TBL1XR1: variants seen among roughly 807,000 people sequenced by gnomAD.
TBL1XR1 encodes F-box-like/WD repeat-containing protein TBL1XR1.
In TBL1XR1, 5 loss-of-function variants were observed where a neutral mutation model predicts 66.9. The observed-to-expected ratio is 0.07, with a 90% confidence interval of 0.04 to 0.16. The LOEUF is 0.16. TBL1XR1 is among the 10% of genes least tolerant of loss of function. TBL1XR1 has a pLI of 1.00. For synonymous variants in TBL1XR1, 210 were observed against 206.0 expected (o/e 1.02, Z -0.17); for missense variants, 238 against 623.2 (o/e 0.38, Z 6.58).
chr3:177,115,198 T>C (rs1003613741), intron 1 of TBL1XR1, among the ~76,000 whole-genome samples: 4 of 152,024 alleles, frequency 2.6e-5, no homozygotes, highest in African/African-American at 9.7e-5. Flanking sequence ...CAGCTTCCAA[T>C]TACTTTTGAC....
chr3:177,154,507 C>T (rs1340882101), intron 1 of TBL1XR1, among the ~76,000 whole-genome samples: 1 of 152,058 alleles, frequency 6.6e-6, no homozygotes, highest in Non-Finnish European at 1.5e-5. Context: ...AGAGATTCTC[C>T]AGCCTCAGCT....
At chr3:177,035,468 G>A (rs1342818240) in intron 12 of TBL1XR1, among the ~76,000 whole-genome samples, 2 of 146,170 alleles carry the variant, frequency 1.4e-5, no homozygotes, top group African/African-American at 2.6e-5. Context: ...AGGCTGGAGT[G>A]CAGCACCACA....
chr3:177,138,121 G>C (rs1729209775), intron 1 of TBL1XR1, among the ~76,000 whole-genome samples: 1 of 152,166 alleles, frequency 6.6e-6, no homozygotes, highest in Non-Finnish European at 1.5e-5. Context: ...GGCCACACTA[G>C]AGAAGTTCCA....
intron 1 of TBL1XR1, among the ~76,000 whole-genome samples, chr3:177,189,512 A>T (rs10936934): frequency 6.6e-6 from 1 of 151,616 alleles, no homozygotes; most frequent in Admixed American, 6.6e-5. Flanking sequence ...AAAATTAGCC[A>T]GGCGTGGTGG....
intron 1 of TBL1XR1, chr3:177,110,789 T>A (rs745688219): frequency 2.6e-5 from 4 of 152,126 alleles, no homozygotes; most frequent in Non-Finnish European, 5.9e-5. Context: ...AGCAGATAAG[T>A]GTGAGAACAA....
intron 1 of TBL1XR1, among the ~76,000 whole-genome samples, chr3:177,144,557 T>C (rs2108831014): frequency 6.6e-6 from 1 of 151,656 alleles, no homozygotes; most frequent in Admixed American, 6.6e-5. Context: ...ATCGAGACCA[T>C]CCTGGCTAGC....
intron 13 of TBL1XR1, among the ~76,000 whole-genome samples, 159 bp from the exon 14 acceptor site, chr3:177,033,295 A>G (rs762922965): frequency 6.6e-6 from 1 of 152,258 alleles, no homozygotes; most frequent in Non-Finnish European, 1.5e-5. Context: ...GTGATCTTCA[A>G]GTCAGTGACA....
chr3:177,156,545 A>ACG (rs774752705), intron 1 of TBL1XR1, among the ~76,000 whole-genome samples: 1 of 145,798 alleles, frequency 6.9e-6, no homozygotes, highest in Non-Finnish European at 1.5e-5. Flanking sequence ...ACACACACAC[A>ACG]CACTTATATA....
intron 1 of TBL1XR1, among the ~76,000 whole-genome samples, chr3:177,183,812 A>T (rs182050414): frequency 2.0e-5 from 3 of 151,270 alleles, no homozygotes; most frequent in Non-Finnish European, 4.4e-5. Flanking sequence ...TTCTTGAAAC[A>T]TCTAATCGGC....
chr3:177,050,046 CCTT>C lies in TBL1XR1; in HGVS notation c.650_652del (p.Glu217del), dbSNP rs1375862382. 1 of 1,613,746 alleles carries C rather than the reference CCTT, an allele frequency of 6.2e-7. No individual in the cohort carries two copies. Among genetic ancestry groups the C allele is most frequent in the South Asian group, 1.1e-5 (1 of 91,080 alleles). ...CTTGTTGCTTGGAACATCTTGCCCT[CCTT>C]CTCGTATACAATGTCTAAGTACTAA... On this transcript the variant is annotated inframe_deletion, in exon 7 of 16. Transcript: ENST00000457928.
chr3:177,074,660 T>A (rs1720461294), intron 2 of TBL1XR1, among the ~76,000 whole-genome samples: 2 of 152,152 alleles, frequency 1.3e-5, no homozygotes, highest in Admixed American at 6.5e-5. Flanking sequence ...ATTCCAAGTT[T>A]TCTATGCTAC....
At chr3:177,134,700 T>C (rs1354340869) in intron 1 of TBL1XR1, among the ~76,000 whole-genome samples, 1 of 152,110 alleles carries the variant, frequency 6.6e-6, no homozygotes, top group Admixed American at 6.6e-5. Flanking sequence ...CATCTGTAAT[T>C]TCCCTACCCT....
chr3:177,157,196 G>A (rs2108874959), intron 1 of TBL1XR1, among the ~76,000 whole-genome samples: 1 of 152,190 alleles, frequency 6.6e-6, no homozygotes, highest in South Asian at 2.1e-4. Context: ...GTAGCAGAAT[G>A]AGACTCTATC....
intron 2 of TBL1XR1, chr3:177,079,604 T>C (rs1721149996): frequency 6.6e-6 from 1 of 151,888 alleles, no homozygotes; most frequent in Non-Finnish European, 1.5e-5. Flanking sequence ...TCATCATTGG[T>C]AAGAAATCCT....
intron 1 of TBL1XR1, among the ~76,000 whole-genome samples, chr3:177,167,715 A>G (rs1023961031): frequency 6.6e-6 from 1 of 152,122 alleles, no homozygotes; most frequent in Non-Finnish European, 1.5e-5. Flanking sequence ...CGGATCACCT[A>G]AGGTTGGGAG....
intron 1 of TBL1XR1, among the ~76,000 whole-genome samples, chr3:177,171,874 A>G (rs1733559505): frequency 6.6e-6 from 1 of 152,186 alleles, no homozygotes; most frequent in Non-Finnish European, 1.5e-5. Flanking sequence ...AGGACAGAGC[A>G]TGTTGAAAGG....
chr3:177,135,073 G>A (rs991613549), intron 1 of TBL1XR1, among the ~76,000 whole-genome samples: 13 of 151,232 alleles, frequency 8.6e-5, no homozygotes, highest in Non-Finnish European at 1.5e-4. Flanking sequence ...TGCCATCTCT[G>A]CTCACTGCAA....
At chr3:177,170,674 C>T (rs974199831) in intron 1 of TBL1XR1, among the ~76,000 whole-genome samples, 1 of 152,106 alleles carries the variant, frequency 6.6e-6, no homozygotes, top group South Asian at 2.1e-4. Flanking sequence ...CTCACTGTGT[C>T]ACTCACTGCA....
intron 1 of TBL1XR1, among the ~76,000 whole-genome samples, chr3:177,102,359 A>C (rs983979054): frequency 6.6e-6 from 1 of 152,220 alleles, no homozygotes; most frequent in Non-Finnish European, 1.5e-5. Flanking sequence ...TTAATCTGGA[A>C]AATTTCTAGA....
Sources: allele counts gnomAD v4.1 joint callset (sites outside exome capture counted in the v4.1 genomes callset), GRCh38; gene constraint gnomAD v4.1.1; transcripts MANE v1.5; gene names NCBI Gene and HGNC (gene_info 2026-07-23, HGNC 2026-07-21).